Variants in STAT1 observed in about 807,000 individuals in gnomAD.
STAT1 encodes the protein signal transducer and activator of transcription 1-alpha/beta.
Under a neutral mutation model 111.7 loss-of-function variants are expected in STAT1, and 24 were observed. The observed-to-expected ratio is 0.21, with a 90% CI of 0.16 to 0.30. The LOEUF is 0.30. STAT1 is among the 10% of genes least tolerant of loss of function. The pLI is 1.00. For synonymous variants in STAT1, 332 were observed against 326.5 expected, an observed-to-expected ratio of 1.02 and a Z score of -0.18; for missense variants, 351 against 911.9, an observed-to-expected ratio of 0.38 and a Z score of 7.92.
rs374652023 is a variant in STAT1, at chr2:190,995,253, G to T, written c.786-34C>A. The T allele has an allele frequency of 3.1e-6, 5 of 1,611,370 alleles. No individual in the cohort carries two copies. Among genetic ancestry groups the T allele is most frequent in the African/African-American group, 2.7e-5 (2 of 74,838 alleles). Reference sequence around the variant, plus strand: ...ACACAAGACACAGATGTCTCTATGAGAAACAGTCCAGAAGCAGCCTGGATT... The same window carrying T: ...ACACAAGACACAGATGTCTCTATGATAAACAGTCCAGAAGCAGCCTGGATT... On this transcript the variant is annotated intron_variant, in intron 9 of 24. Coordinates refer to ENST00000361099, the MANE Select transcript of STAT1 (RefSeq NM_007315.4). The surrounding 1 kb of genome is among the most constrained non-coding windows in gnomAD (Gnocchi z 4.2).
intron 5 of STAT1, among the ~76,000 whole-genome samples, chr2:191,005,060 A>G (rs950317879): frequency 6.6e-6 from 1 of 152,256 alleles, no homozygotes. Flanking sequence ...AAGCTCTTAT[A>G]TTAAAAAACA....
Position 190,973,819 on chromosome 2 carries a change from T to G in STAT1, c.2238+1011A>C, listed in dbSNP as rs1054188095. On this transcript the variant is annotated intron_variant, in intron 24 of 24. Coordinates refer to ENST00000361099, the MANE Select transcript of STAT1 (RefSeq NM_007315.4). The surrounding 1 kb of genome is among the most constrained non-coding windows in gnomAD (Gnocchi z 4.4). ...TACAATCTCTAATGATTGTAGCCCG[T>G]GCTTAAGGTGAGGAAAAAAGTCAAA... 2.0e-5 allele frequency among the ~76,000 whole-genome samples: 3 copies of G among 152,174 alleles called. No homozygotes were observed. The highest frequency in any genetic ancestry group is 6.5e-5 in the Admixed American group (1 of 15,274).
At chr2:190,994,418 G>A (rs1452507464) in intron 10 of STAT1, among the ~76,000 whole-genome samples, 1 of 152,086 alleles carries the variant, frequency 6.6e-6, no homozygotes, top group Non-Finnish European at 1.5e-5. Flanking sequence ...GAGGACTGGT[G>A]GGGAGGCTGG....
rs1258160781 is a variant in STAT1, at chr2:190,977,311, T to C, written c.1874-286A>G. Among the ~76,000 whole-genome samples the C allele has an allele frequency of 1.3e-5, 2 of 152,234 alleles. No individual in the cohort carries two copies. The highest frequency in any genetic ancestry group is 2.9e-5 in the Non-Finnish European group (2 of 68,042). On this transcript the variant is annotated intron_variant, in intron 21 of 24. Coordinates refer to ENST00000361099, the MANE Select transcript of STAT1 (RefSeq NM_007315.4). The surrounding 1 kb of genome is among the most constrained non-coding windows in gnomAD (Gnocchi z 4.7). The stretch of plus-strand genomic sequence containing the variant: ...GATTTATTAAAAACCTTTAAAAGCC[T>C]GCATCTTCAATGATGTGCTGCCCAT...
Position 191,008,968 on chromosome 2 carries a change from G to T in STAT1, c.268C>A (p.Leu90Ile). The T allele has an allele frequency of 6.2e-7, 1 of 1,613,344 alleles. No homozygotes were observed. Among genetic ancestry groups the T allele is most frequent in the Non-Finnish European group, 8.5e-7 (1 of 1,179,594 alleles). Residue 90 changes from leucine to isoleucine, a missense_variant, in exon 4 of 25, where the codon CTT (leucine) becomes ATT (isoleucine). Transcript: ENST00000361099. Reference protein sequence around the residue: ...QHNIRKSKRNLQDNFQEDPIQ... With the variant: ...QHNIRKSKRNIQDNFQEDPIQ... ...ATACAAAAACCAGGTCATACCTGAA[G>T]ATTACGCTTGCTTTTCCTTATGTTA... is the stretch of plus-strand genomic sequence containing the variant.
rs906003664 is a variant in STAT1 at position 190,999,165 on chromosome 2, C to G, written c.541+461G>C. Among the ~76,000 whole-genome samples the G allele has an allele frequency of 6.6e-6, 1 of 152,154 alleles. No individual in the cohort carries two copies. Among genetic ancestry groups the G allele is most frequent in the Non-Finnish European group, 1.5e-5 (1 of 68,032 alleles). ...ACTGAGCTTATCTGCTGTGTATACA[C>G]GTGGCCCTGCAACGTTTGAAGAAAC... On this transcript the variant is annotated intron_variant, in intron 7 of 24. Transcript: ENST00000361099. The surrounding 1 kb of genome is among the most constrained non-coding windows in gnomAD (Gnocchi z 4.1).
Position 190,969,472 on chromosome 2 carries a change from T to C in STAT1, c.*1231A>G, listed in dbSNP as rs1691292307. On this transcript the variant is annotated 3_prime_UTR_variant, in exon 25 of 25. Transcript: ENST00000361099. ...CAGCAGTATGTAAAAGGGAAGAACC[T>C]TGTCAAACCCATCTCTTAATCTACT... The C allele has an allele frequency of 6.6e-6, 1 of 152,132 alleles. No homozygotes were observed. Among genetic ancestry groups the C allele is most frequent in the Non-Finnish European group, 1.5e-5 (1 of 67,998 alleles). 9.4% of individuals were successfully genotyped at this position (152,132 alleles called of 1,614,324 possible). A position where few individuals can be genotyped will look rare whatever the true frequency, so the allele number is the denominator to read the frequency against.
chr2:190,999,693 A>G lies in STAT1; in HGVS notation c.474T>C (p.His158=). Residue 158 remains histidine (H), a synonymous_variant, in exon 7 of 25, where the codon CAT becomes CAC. Transcript: ENST00000361099. This position sits in a 1 kb window ranked among gnomAD's most constrained non-coding sequence, Gnocchi z 4.1. ...GTAAATCTTCCAGGCTCTTGATTTC[A>G]TGCTCTATACACTACAAACAAAGAT... ...NVKDKVMCIE[H]EIKSLEDLQD... 2 of 1,612,664 alleles carry G rather than the reference A, an allele frequency of 1.2e-6. No individual in the cohort carries two copies. Among genetic ancestry groups the G allele is most frequent in the Non-Finnish European group, 1.7e-6 (2 of 1,178,744 alleles).
chr2:191,003,979 G>A lies in STAT1; in HGVS notation c.373-2816C>T, dbSNP rs951391209. On this transcript the variant is annotated intron_variant, in intron 5 of 24. Coordinates refer to ENST00000361099, the MANE Select transcript of STAT1 (RefSeq NM_007315.4). The surrounding 1 kb of genome is among the most constrained non-coding windows in gnomAD (Gnocchi z 4.0). ...CTGTAAAACAGCAGCTACATCCCCAGCTTCTACATCCCCTTTCTACTGACT... is the reference window on the plus strand; with the variant it reads ...CTGTAAAACAGCAGCTACATCCCCAACTTCTACATCCCCTTTCTACTGACT... Among the ~76,000 whole-genome samples the A allele has an allele frequency of 2.6e-5, 4 of 152,160 alleles. No individual in the cohort carries two copies. The highest frequency in any genetic ancestry group is 2.6e-4 in the Admixed American group (4 of 15,272).
rs1279506789 is a variant in STAT1 at position 190,995,738 on chromosome 2, C to T, written c.786-519G>A. Among the ~76,000 whole-genome samples the T allele has an allele frequency of 1.3e-5, 2 of 152,190 alleles. No individual in the cohort carries two copies. Among genetic ancestry groups the T allele is most frequent in the Non-Finnish European group, 2.9e-5 (2 of 68,032 alleles). On this transcript the variant is annotated intron_variant, in intron 9 of 24. Coordinates refer to ENST00000361099, the MANE Select transcript of STAT1 (RefSeq NM_007315.4). The surrounding 1 kb of genome is among the most constrained non-coding windows in gnomAD (Gnocchi z 4.2). ...CTAGGGAAAAACAAAGGGAACGAGGCTTGTGCCAGCAGTAGAAGCTTTGTT... is the reference window on the plus strand; with the variant it reads ...CTAGGGAAAAACAAAGGGAACGAGGTTTGTGCCAGCAGTAGAAGCTTTGTT...
rs1421771011 is a variant in STAT1 at position 190,975,421 on chromosome 2, A to T, written c.2135+391T>A. 1 of 700,094 alleles carries T rather than the reference A, an allele frequency of 1.4e-6. No homozygotes were observed. The allele number at this position is 700,094 out of a possible 1,614,324, so 43.4% of individuals were successfully genotyped here. A position where few individuals can be genotyped will look rare whatever the true frequency, so the allele number is the denominator to read the frequency against. The stretch of plus-strand genomic sequence containing the variant: ...CCAAATAACTGACAATGACATTTCC[A>T]AAATTTTTTCTACCTTTTATAAAAT... On this transcript the variant is annotated intron_variant, in intron 23 of 24. Transcript: ENST00000361099. This position sits in a 1 kb window ranked among gnomAD's most constrained non-coding sequence, Gnocchi z 5.9.
At chr2:191,008,071 A>G (rs889044164) in intron 4 of STAT1, 2 of 442,718 alleles carry the variant, frequency 4.5e-6, no homozygotes, top group African/African-American at 4.1e-5. Context: ...AAAGATATTC[A>G]TCTAGGGTTT....
rs17817076 is a variant in STAT1 at position 190,987,271 on chromosome 2, T to C, written c.1098-203A>G. On this transcript the variant is annotated intron_variant, in intron 12 of 24. Transcript: ENST00000361099. This position sits in a 1 kb window ranked among gnomAD's most constrained non-coding sequence, Gnocchi z 4.0. ...CTGGCAAGTATCACTGAATGACCTT[T>C]GGCAAATAAATGGTCTGGGCCTTAC... Among the ~76,000 whole-genome samples, 71,209 of 152,034 alleles carry C rather than the reference T, an allele frequency of 0.47. 17,576 individuals carry two copies. Among genetic ancestry groups the C allele is most frequent in the Non-Finnish European group, 0.53 (36,229 of 67,946 alleles).
rs1177548048 is a variant in STAT1, at chr2:190,971,766, G to A, written c.2239-1049C>T. On this transcript the variant is annotated intron_variant, in intron 24 of 24. Transcript: ENST00000361099. This position sits in a 1 kb window ranked among gnomAD's most constrained non-coding sequence, Gnocchi z 4.1. ...CTTCCTCTGTTGCCCAGACTGGAGT[G>A]CAGTGGCACCATCTTGGCTCACTGC... 2.0e-5 allele frequency among the ~76,000 whole-genome samples: 3 copies of A among 151,584 alleles called. No homozygotes were observed. The highest frequency in any genetic ancestry group is 4.4e-5 in the Non-Finnish European group (3 of 67,958).
chr2:190,997,973 A>T lies in STAT1; in HGVS notation c.668T>A (p.Val223Asp). The T allele has an allele frequency of 6.2e-7, 1 of 1,614,256 alleles. No homozygotes were observed. The highest frequency in any genetic ancestry group is 8.5e-7 in the Non-Finnish European group (1 of 1,180,042). The change falls in exon 9 of 25, where the codon GTC becomes GAC. Residue 223 changes from valine to aspartate, a missense_variant. Physicochemically the swap from Val to Asp is radical, Grantham distance 152 (BLOSUM62 -3). Around this residue, in one of 7 missense-constraint regions of STAT1, gnomAD observed 67 missense variants for 158.9 expected, o/e 0.42. Transcript: ENST00000361099. This position sits in a 1 kb window ranked among gnomAD's most constrained non-coding sequence, Gnocchi z 7.3. ...VVHKIIELLN[V>D]TELTQNALIN... ...CAGGGCATTCTGGGTAAGTTCAGTG[A>T]CATTCAGCAACTCTATTATTTTGTG...
At chr2:191,010,189 G>T (rs1475386179) in intron 2 of STAT1, among the ~76,000 whole-genome samples, 185 bp from the exon 3 acceptor site, 1 of 152,166 alleles carries the variant, frequency 6.6e-6, no homozygotes, top group Non-Finnish European at 1.5e-5. Flanking sequence ...GTTTGGGGAT[G>T]AACTTTTTTT....
chr2:190,980,659 G>C lies in STAT1; in HGVS notation c.1593C>G (p.Ala531=), dbSNP rs1692312437. 3.7e-6 allele frequency: 6 copies of C among 1,614,200 alleles called. No individual in the cohort carries two copies. Among genetic ancestry groups the C allele is most frequent in the Non-Finnish European group, 5.1e-6 (6 of 1,180,036 alleles). The change falls in exon 19 of 25, where the codon GCC becomes GCG. Residue 531 remains alanine (A), a synonymous_variant. Coordinates refer to ENST00000361099, the MANE Select transcript of STAT1 (RefSeq NM_007315.4). This position sits in a 1 kb window ranked among gnomAD's most constrained non-coding sequence, Gnocchi z 6.1. ...MLGEKLLGPN[A]SPDGLIPWTR... is the part of the protein sequence containing the mutation. Reference sequence around the variant, plus strand: ...TCCACGGAATGAGACCATCGGGGCTGGCGTTAGGACCTAAACAAATAAAAA... The same window carrying C: ...TCCACGGAATGAGACCATCGGGGCTCGCGTTAGGACCTAAACAAATAAAAA...
rs1693893069 is a variant in STAT1 at position 190,996,818 on chromosome 2, T to C, written c.785+1038A>G. ...AGGCCACCTTCCCTCATGTTCACTCTGTGATTCCAAGTTCAGCTCCTGTTG... is the reference window on the plus strand; with the variant it reads ...AGGCCACCTTCCCTCATGTTCACTCCGTGATTCCAAGTTCAGCTCCTGTTG... On this transcript the variant is annotated intron_variant, in intron 9 of 24. Transcript: ENST00000361099. This position sits in a 1 kb window ranked among gnomAD's most constrained non-coding sequence, Gnocchi z 4.5. 6.6e-6 allele frequency among the ~76,000 whole-genome samples: 1 copy of C among 152,228 alleles called. No individual in the cohort carries two copies. Among genetic ancestry groups the C allele is most frequent in the Admixed American group, 6.5e-5 (1 of 15,282 alleles).
At chr2:191,002,008 C>G (rs955855520) in intron 5 of STAT1, among the ~76,000 whole-genome samples, 1 of 152,216 alleles carries the variant, frequency 6.6e-6, no homozygotes, top group South Asian at 2.1e-4. Flanking sequence ...AGCACAGATT[C>G]TACGGGGGTG....
Sources: allele counts gnomAD v4.1 joint callset (sites outside exome capture counted in the v4.1 genomes callset), GRCh38; gene constraint gnomAD v4.1.1; regional missense constraint gnomAD v4.1.1; non-coding constraint Gnocchi (gnomAD v3.1); transcripts MANE v1.5; gene names NCBI Gene and HGNC (gene_info 2026-07-23, HGNC 2026-07-21).